The following CMTM1 variants were observed in gnomAD, a reference collection of about 807,000 sequenced individuals.
CMTM1 encodes the protein CKLF-like MARVEL transmembrane domain-containing protein 1.
CMTM1 carries 16 observed loss-of-function variants against 17.8 expected under a neutral mutation model. The ratio of observed to expected loss-of-function variants is 0.90; its 90% confidence interval spans 0.61 to 1.37. The LOEUF (loss-of-function observed/expected upper bound fraction) is 1.37, where lower values mean the gene tolerates loss of function less well. Among genes scored for constraint, CMTM1 ranks in the 40% most tolerant of loss-of-function variants. The pLI is 0.00. For synonymous variants in CMTM1, 169 were observed against 154.6 expected, an observed-to-expected ratio of 1.09 and a Z score of -0.69; for missense variants, 354 against 375.6, an observed-to-expected ratio of 0.94 and a Z score of 0.47.
At chr16:66,574,953 G>A in intron 2 of CMTM1, 1 of 985,324 alleles carries the variant, frequency 1.0e-6, no homozygotes. Context: ...TAAGCTTCCT[G>A]CAAAGCTGCA....
Position 66,566,940 on chromosome 16 carries a change from A to G in CMTM1, c.427A>G (p.Arg143Gly), listed in dbSNP as rs1250193253. The G allele has an allele frequency of 6.2e-7, 1 of 1,614,136 alleles. No individual in the cohort carries two copies. The highest frequency in any genetic ancestry group is 2.2e-5 in the East Asian group (1 of 44,866). The change falls in exon 1 of 4, where the codon AGA becomes GGA. Residue 143 changes from arginine (R) to glycine (G), a missense_variant. Coordinates refer to ENST00000379500, the MANE Select transcript of CMTM1 (RefSeq NM_052999.4). The surrounding 1 kb of genome is among the most constrained non-coding windows in gnomAD (Gnocchi z 4.9). ...GCCCACTGGAATGTTGAAGATCCTG[A>G]GACTGGTGAGCGGAGAGCTGGTGAG... is the stretch of plus-strand genomic sequence containing the variant. ...FSPTGMLKIL[R>G]LSLILGALAC...
intron 2 of CMTM1, chr16:66,575,272 C>T: frequency 1.1e-6 from 1 of 924,566 alleles, no homozygotes; most frequent in Non-Finnish European, 1.3e-6. Flanking sequence ...CCACCAGCTA[C>T]TAGATGCCAG....
Position 66,568,950 on chromosome 16 carries a change from AAAAC to A in CMTM1, c.433-982_433-979del, listed in dbSNP as rs566286507. On this transcript the variant is annotated intron_variant, in intron 1 of 3. Coordinates refer to ENST00000379500, the MANE Select transcript of CMTM1 (RefSeq NM_052999.4). Reference sequence around the variant, plus strand: ...GCTAATGTAATTGCATATCTAGAAAAAAACAAATCAACTGGAAACAATTTAGAGC... The same window carrying A: ...GCTAATGTAATTGCATATCTAGAAAAAAATCAACTGGAAACAATTTAGAGC... Among the ~76,000 whole-genome samples the A allele has an allele frequency of 1.1e-3, 175 of 152,310 alleles. 1 individual carries two copies. The highest frequency in any genetic ancestry group is 4.0e-3 in the African/African-American group (165 of 41,568).
intron 2 of CMTM1, among the ~76,000 whole-genome samples, chr16:66,570,445 C>G (rs942310625): frequency 6.6e-6 from 1 of 152,182 alleles, no homozygotes; most frequent in African/African-American, 2.4e-5. Flanking sequence ...TTGCAGAGAG[C>G]ACTCTGATTA....
At position 66,577,433 on chromosome 16, in the gene CMTM1, C is replaced by T. The variant is rs13337818; in HGVS notation, c.690+231C>T. On this transcript the variant is annotated intron_variant, in intron 3 of 3. Transcript: ENST00000379500. ...GGTACAAAAACAAGAGTCTGCTAAA[C>T]CCCTTTTGAGAATTGTGGACACTAT... Among the ~76,000 whole-genome samples, 173 of 152,278 alleles carry T rather than the reference C, an allele frequency of 1.1e-3. 1 individual carries two copies. The highest frequency in any genetic ancestry group is 3.9e-3 in the African/African-American group (164 of 41,542).
chr16:66,578,283 C>A (rs556833395), intron 3 of CMTM1, among the ~76,000 whole-genome samples: 92 of 152,272 alleles, frequency 6.0e-4, no homozygotes, highest in African/African-American at 2.1e-3. Context: ...ACCTTCCATT[C>A]ACCTCATGAA....
Position 66,570,027 on chromosome 16 carries a change from T to G in CMTM1, c.524T>G (p.Val175Gly), listed in dbSNP as rs768460744. The change falls in exon 2 of 4, where the codon GTT becomes GGT. Residue 175 changes from valine (V) to glycine (G), a missense_variant. Transcript: ENST00000379500. ...ACAAGTCTGGAAATCTGCATTGTCGTTTTTTTTATTCTAATATATGTGCTA... is the reference window on the plus strand; with the variant it reads ...ACAAGTCTGGAAATCTGCATTGTCGGTTTTTTTATTCTAATATATGTGCTA... ...TITSLEICIVVFFILIYVLTL... is the reference protein window; with the variant it reads ...TITSLEICIVGFFILIYVLTL... 6.2e-7 allele frequency: 1 copy of G among 1,608,148 alleles called. No individual in the cohort carries two copies. Among genetic ancestry groups the G allele is most frequent in the East Asian group, 2.2e-5 (1 of 44,676 alleles).
intron 2 of CMTM1, among the ~76,000 whole-genome samples, chr16:66,571,781 T>C (rs113517060): frequency 2.8e-4 from 42 of 152,290 alleles, no homozygotes; most frequent in African/African-American, 9.9e-4. Flanking sequence ...AATGGACTCA[T>C]GCAGGCTGGG....
chr16:66,575,580 G>A (rs925911416), intron 2 of CMTM1, among the ~76,000 whole-genome samples: 6 of 152,186 alleles, frequency 3.9e-5, no homozygotes, highest in Non-Finnish European at 7.3e-5. Context: ...CTCATGGGAG[G>A]CAATAGTGAG....
At chr16:66,576,536 G>T (rs2014270861) in intron 2 of CMTM1, among the ~76,000 whole-genome samples, 1 of 152,156 alleles carries the variant, frequency 6.6e-6, no homozygotes, top group Admixed American at 6.5e-5. Flanking sequence ...CAGAATATCA[G>T]GCCTGCTCCT....
intron 2 of CMTM1, among the ~76,000 whole-genome samples, chr16:66,573,891 T>C (rs1193154821): frequency 6.6e-6 from 1 of 151,962 alleles, no homozygotes; most frequent in Non-Finnish European, 1.5e-5. Flanking sequence ...TTCACCATGT[T>C]GGCCAGGCTG....
chr16:66,570,107 T>G lies in CMTM1; in HGVS notation c.591+13T>G. On this transcript the variant is annotated intron_variant, in intron 2 of 3. Transcript: ENST00000379500. Reference sequence around the variant, plus strand: ...TTGGCCCTTACTTGTAAGTGTTCATTTTTACAATTCTTCAAATCCAAGCTT... The same window carrying G: ...TTGGCCCTTACTTGTAAGTGTTCATGTTTACAATTCTTCAAATCCAAGCTT... 1 of 1,578,496 alleles carries G rather than the reference T, an allele frequency of 6.3e-7. No homozygotes were observed.
At chr16:66,571,376 T>A (rs1031647728) in intron 2 of CMTM1, 3 of 335,378 alleles carry the variant, frequency 8.9e-6, no homozygotes, top group Non-Finnish European at 1.8e-5. Flanking sequence ...CCCTCACCCC[T>A]CATTTAACAG....
intron 2 of CMTM1, among the ~76,000 whole-genome samples, chr16:66,575,935 T>G (rs897398240): frequency 3.3e-4 from 50 of 152,228 alleles, no homozygotes; most frequent in African/African-American, 1.2e-3. Flanking sequence ...TCCTCTGGGC[T>G]TTTGCCCATA....
At chr16:66,571,183 T>C (rs1325498643) in intron 2 of CMTM1, 1 of 457,346 alleles carries the variant, frequency 2.2e-6, no homozygotes, top group Non-Finnish European at 4.4e-6. Flanking sequence ...GCAACTTTAA[T>C]TGAACATGTG....
rs139633590 is a variant in CMTM1, at chr16:66,578,971, C to T, written c.831C>T (p.Thr277=). The T allele has an allele frequency of 6.2e-7, 1 of 1,613,938 alleles. No individual in the cohort carries two copies. The highest frequency in any genetic ancestry group is 1.7e-4 in the Middle Eastern group (1 of 6,022). Residue 277 remains threonine (T), a synonymous_variant, in exon 4 of 4, where the codon ACC becomes ACT. Coordinates refer to ENST00000379500, the MANE Select transcript of CMTM1 (RefSeq NM_052999.4). ...LSPAKDAYPE[T]GPDAPQRPA is the part of the protein sequence containing the mutation. ...CCGCCAAGGACGCCTACCCCGAAAC[C>T]GGCCCCGACGCCCCGCAGAGGCCCG... is the stretch of plus-strand genomic sequence containing the variant.
intron 2 of CMTM1, chr16:66,575,146 C>G (rs1176905118): frequency 1.0e-6 from 1 of 985,318 alleles, no homozygotes; most frequent in African/African-American, 1.7e-5. Flanking sequence ...AAGTCACATT[C>G]CACAAGAGGG....
At chr16:66,568,154 A>G (rs766984250) in intron 1 of CMTM1, among the ~76,000 whole-genome samples, 1 of 152,250 alleles carries the variant, frequency 6.6e-6, no homozygotes, top group Admixed American at 6.5e-5. Context: ...AAAACGAAGT[A>G]GAGATCTCAC....
At position 66,570,025 on chromosome 16, in the gene CMTM1, C is replaced by T. The variant is rs771046877; in HGVS notation, c.522C>T (p.Val174=). 1.7e-5 allele frequency: 27 copies of T among 1,611,960 alleles called. No individual in the cohort carries two copies. Among genetic ancestry groups the T allele is most frequent in the East Asian group, 4.5e-5 (2 of 44,826 alleles). The change falls in exon 2 of 4, where the codon GTC becomes GTT. Residue 174 remains valine, a synonymous_variant. Transcript: ENST00000379500. The stretch of plus-strand genomic sequence containing the variant: ...TCACAAGTCTGGAAATCTGCATTGT[C>T]GTTTTTTTTATTCTAATATATGTGC... The part of the protein sequence containing the change: ...ITITSLEICI[V]VFFILIYVLT...
Sources: gnomAD v4.1 joint callset for allele counts (sites outside exome capture counted in the v4.1 genomes callset) on GRCh38, gnomAD v4.1.1 for gene constraint, Gnocchi (gnomAD v3.1) non-coding constraint, MANE v1.5 for transcripts, NCBI Gene and HGNC (gene_info 2026-07-23, HGNC 2026-07-21) for gene names.